The following UNKL variants were observed in gnomAD, a reference collection of about 807,000 sequenced individuals.
The protein encoded by UNKL is unk like zinc finger, also known as putative E3 ubiquitin-protein ligase UNKL.
In UNKL, 60 loss-of-function variants were observed where a neutral mutation model predicts 78.0. The ratio of observed to expected loss-of-function variants is 0.77; its 90% confidence interval spans 0.63 to 0.95. UNKL has a LOEUF of 0.95. Ranked by LOEUF, UNKL falls within the 40% of genes least tolerant of loss-of-function variation. The pLI, the probability that UNKL is intolerant of heterozygous loss-of-function variation, is 0.00. For missense variants in UNKL, 1,159 were observed against 1,045.7 expected (o/e 1.11, Z -1.49); for synonymous variants, 608 against 474.8 (o/e 1.28, Z -3.65).
In UNKL at chr16:1,390,673, C is replaced by A. The variant is rs2037010131; in HGVS notation, c.1045G>T (p.Ala349Ser). 1 of 1,536,056 alleles carries A rather than the reference C, an allele frequency of 6.5e-7. No homozygotes were observed. Among genetic ancestry groups the A allele is most frequent in the Non-Finnish European group, 8.7e-7 (1 of 1,146,896 alleles). ...PGNAKRRDSP[A>S]EGGPRGSEQD... Reference sequence around the variant, plus strand: ...TCGCTGCCCCTAGGGCCACCCTCGGCCGGCGAGTCTCTCCGCTTGGCCTGC... The same window carrying A: ...TCGCTGCCCCTAGGGCCACCCTCGGACGGCGAGTCTCTCCGCTTGGCCTGC... The change falls in exon 9 of 15, where the codon GCC becomes TCC. Residue 349 changes from alanine to serine, a missense_variant. Transcript: ENST00000389221.
chr16:1,414,682 C>T lies in UNKL; in HGVS notation c.10G>A (p.Val4Ile). 8.7e-7 allele frequency: 1 copy of T among 1,148,004 alleles called. No homozygotes were observed. The highest frequency in any genetic ancestry group is 1.1e-6 in the Non-Finnish European group (1 of 921,670). 71.1% of individuals were successfully genotyped at this position (1,148,004 alleles called of 1,614,324 possible). The change falls in exon 1 of 15, where the codon GTT becomes ATT. Residue 4 changes from valine to isoleucine, a missense_variant. Physicochemically the swap from Val to Ile is conservative, Grantham distance 29. Coordinates refer to ENST00000389221, the MANE Select transcript of UNKL (RefSeq NM_001372107.1). MPSVSKAAAAALSG... is the reference protein window; with the variant it reads MPSISKAAAAALSG... ...AGCGCCGCTGCCGCCGCTTTCGAAA[C>T]CGACGGCATTTTCAGTCAAAACAAT...
intron 10 of UNKL, among the ~76,000 whole-genome samples, chr16:1,376,319 G>C (rs2036220728): frequency 7.1e-6 from 1 of 140,068 alleles, no homozygotes; most frequent in Admixed American, 7.2e-5. Context: ...TCCAGGGCTG[G>C]GGCACTCCTC....
chr16:1,380,458 G>A (rs1412754099), intron 10 of UNKL, among the ~76,000 whole-genome samples: 1 of 152,154 alleles, frequency 6.6e-6, no homozygotes, highest in Non-Finnish European at 1.5e-5. Context: ...CAGCGGGCAG[G>A]ACACTGCCTC....
At chr16:1,401,155 C>T (rs889297965) in intron 4 of UNKL, among the ~76,000 whole-genome samples, 8 of 152,074 alleles carry the variant, frequency 5.3e-5, no homozygotes, top group African/African-American at 1.9e-4. Context: ...CCCAGAGAGG[C>T]GCAGGGCTGG....
chr16:1,384,968 G>T (rs1295305129), intron 10 of UNKL, among the ~76,000 whole-genome samples: 1 of 152,172 alleles, frequency 6.6e-6, no homozygotes, highest in Non-Finnish European at 1.5e-5. Flanking sequence ...TGGCTCCTGG[G>T]AGGCTCCTCG....
intron 10 of UNKL, among the ~76,000 whole-genome samples, chr16:1,384,173 A>G (rs2036719020): frequency 6.6e-6 from 1 of 152,086 alleles, no homozygotes; most frequent in Non-Finnish European, 1.5e-5. Flanking sequence ...GCGTCTCTGC[A>G]AGCAAAGCCC....
intron 1 of UNKL, 63 bp downstream of exon 1, chr16:1,414,552 C>G: frequency 1.3e-6 from 1 of 742,280 alleles, no homozygotes; most frequent in Non-Finnish European, 1.7e-6. Context: ...GCGCGAGCCC[C>G]GGCGGGAGGC....
chr16:1,370,846 G>A (rs200391786), intron 11 of UNKL, among the ~76,000 whole-genome samples: 1 of 152,256 alleles, frequency 6.6e-6, no homozygotes, highest in Non-Finnish European at 1.5e-5. Context: ...CACTTTGGGA[G>A]GCCAAGGCGG....
In UNKL at chr16:1,403,673, A is replaced by C. The variant is rs759904005; in HGVS notation, c.288-329T>G. Among the ~76,000 whole-genome samples, 4 of 152,198 alleles carry C rather than the reference A, an allele frequency of 2.6e-5. No homozygotes were observed. Among genetic ancestry groups the C allele is most frequent in the Non-Finnish European group, 5.9e-5 (4 of 68,046 alleles). ...AAGCTCATCCTTCCTAATGTTCCAA[A>C]TAAACCTTTAAACCTGTGTGGGAAT... On this transcript the variant is annotated intron_variant, in intron 2 of 14. Coordinates refer to ENST00000389221, the MANE Select transcript of UNKL (RefSeq NM_001372107.1). This position sits in a 1 kb window ranked among gnomAD's most constrained non-coding sequence, Gnocchi z 4.8.
intron 12 of UNKL, 57 bp downstream of exon 12, chr16:1,370,073 G>C: frequency 6.5e-7 from 1 of 1,548,438 alleles, no homozygotes; most frequent in Non-Finnish European, 8.7e-7. Flanking sequence ...CGGCATCTGG[G>C]AGGGAGCCCC....
In UNKL at chr16:1,385,266, C is replaced by T. The variant is rs1453503282; in HGVS notation, c.1206G>A (p.Ala402=). The T allele has an allele frequency of 1.1e-5, 15 of 1,333,536 alleles. No individual in the cohort carries two copies. Among genetic ancestry groups the T allele is most frequent in the East Asian group, 9.3e-5 (3 of 32,256 alleles). The allele number at this position is 1,333,536 out of a possible 1,614,324, so 82.6% of individuals were successfully genotyped here. A position where few individuals can be genotyped will look rare whatever the true frequency, so the allele number is the denominator to read the frequency against. ...CGAGCGGGAGGGCACGGGCGGGGGG[C>T]GCGGGCAGCGCAGTGGGGGAGGAGC... The part of the protein sequence containing the change: ...SGSSSPTALP[A]PPARALPLGP... Residue 402 remains alanine, a synonymous_variant, in exon 10 of 15, where the codon GCG becomes GCA. Coordinates refer to ENST00000389221, the MANE Select transcript of UNKL (RefSeq NM_001372107.1).
intron 10 of UNKL, among the ~76,000 whole-genome samples, chr16:1,374,096 A>G (rs12931081): frequency 1.2e-4 from 5 of 43,194 alleles, no homozygotes; most frequent in Admixed American, 6.3e-4. Context: ...GGAGCACACC[A>G]CACAGGGACT....
rs577543328 is a variant in UNKL, at chr16:1,364,542, C to T, written c.*1698G>A. ...TCCTGCTCAACTCCTAGGGACAGTC[C>T]CAGCCCTGAGCAGAAGGGTCAGGTC... is the stretch of plus-strand genomic sequence containing the variant. On this transcript the variant is annotated 3_prime_UTR_variant, in exon 15 of 15. Transcript: ENST00000389221. 2.1e-4 allele frequency: 32 copies of T among 152,380 alleles called. 1 individual carries two copies. The highest frequency in any genetic ancestry group is 7.7e-4 in the African/African-American group (32 of 41,584). The allele number at this position is 152,380 out of a possible 1,614,324, so 9.4% of individuals were successfully genotyped here.
chr16:1,376,843 C>T lies in UNKL; in HGVS notation c.1265-5232G>A, dbSNP rs191096069. Among the ~76,000 whole-genome samples, 159 of 152,254 alleles carry T rather than the reference C, an allele frequency of 1.0e-3. 1 individual carries two copies. Among genetic ancestry groups the T allele is most frequent in the Non-Finnish European group, 1.7e-3 (118 of 68,004 alleles). On this transcript the variant is annotated intron_variant, in intron 10 of 14. Coordinates refer to ENST00000389221, the MANE Select transcript of UNKL (RefSeq NM_001372107.1). ...TTAACTGGTAACATAGATTTCAGCA[C>T]CGCACAGTAATAAAAGTTACCTGCG...
rs186919161 is a variant in UNKL, at chr16:1,365,924, T to C, written c.*316A>G. 4.2e-5 allele frequency: 10 copies of C among 239,672 alleles called. No homozygotes were observed. Among genetic ancestry groups the C allele is most frequent in the Admixed American group, 1.1e-4 (2 of 18,778 alleles). 14.8% of individuals were successfully genotyped at this position (239,672 alleles called of 1,614,324 possible). A position where few individuals can be genotyped will look rare whatever the true frequency, so the allele number is the denominator to read the frequency against. ...GTGTCAGGACCACAAACTGCTGTGATCACAGCGCCGCGTGGATCCCGGAGG... is the reference window on the plus strand; with the variant it reads ...GTGTCAGGACCACAAACTGCTGTGACCACAGCGCCGCGTGGATCCCGGAGG... On this transcript the variant is annotated 3_prime_UTR_variant, in exon 15 of 15. Coordinates refer to ENST00000389221, the MANE Select transcript of UNKL (RefSeq NM_001372107.1).
chr16:1,382,713 TTTGGGAGGCCGAG>T (rs1268259682), intron 10 of UNKL, among the ~76,000 whole-genome samples: 1 of 152,058 alleles, frequency 6.6e-6, no homozygotes, highest in Non-Finnish European at 1.5e-5. Flanking sequence ...ATCCCAGCAC[TTTGGGAGGCCGAG>T]TTGGGAGGAT....
rs186510432 is a variant in UNKL, at chr16:1,390,108, T to C, written c.1086+524A>G. Among the ~76,000 whole-genome samples, 804 of 152,296 alleles carry C rather than the reference T, an allele frequency of 5.3e-3. 5 individuals carry two copies. Among genetic ancestry groups the C allele is most frequent in the Middle Eastern group, 0.017 (5 of 294 alleles). On this transcript the variant is annotated intron_variant, in intron 9 of 14. Coordinates refer to ENST00000389221, the MANE Select transcript of UNKL (RefSeq NM_001372107.1). ...TTCAAGCAATTCTCCTGCCTCAGCT[T>C]CCCGAGTAGCTGGGACTACAGGCAC...
At position 1,366,328 on chromosome 16, in the gene UNKL, C is replaced by T. The variant is rs570694066; in HGVS notation, c.2114G>A (p.Arg705Gln). 22 of 1,603,846 alleles carry T rather than the reference C, an allele frequency of 1.4e-5. No homozygotes were observed. In the South Asian group the frequency reaches 1.6e-4, roughly 11 times the overall value. ...CRERAHGAVL[R>Q]PCQHHILCEP... Reference sequence around the variant, plus strand: ...ACAGAGGATGTGGTGCTGACAGGGCCGCAGGACAGCACCGTGGGCCCGCTC... The same window carrying T: ...ACAGAGGATGTGGTGCTGACAGGGCTGCAGGACAGCACCGTGGGCCCGCTC... Residue 705 changes from arginine to glutamine, a missense_variant, in exon 15 of 15, where the codon CGG becomes CAG. Coordinates refer to ENST00000389221, the MANE Select transcript of UNKL (RefSeq NM_001372107.1).
chr16:1,385,353 CG>C lies in UNKL; in HGVS notation c.1118del (p.Pro373ArgfsTer6). 1 of 1,414,482 alleles carries C rather than the reference CG, an allele frequency of 7.1e-7. No individual in the cohort carries two copies. The highest frequency in any genetic ancestry group is 9.2e-7 in the Non-Finnish European group (1 of 1,087,660). The allele number at this position is 1,414,482 out of a possible 1,614,324, so 87.6% of individuals were successfully genotyped here. Reference sequence around the variant, plus strand: ...CGCTGGAGCTCACGCTGGGGGCCGGCGGGTGGACCGCTGCAAACACGGCCAG... The same window carrying C: ...CGCTGGAGCTCACGCTGGGGGCCGGCGGTGGACCGCTGCAAACACGGCCAG... ...NHLAVFAAVHPPAPSVSSSVA... is the reference protein window; with the variant it reads ...NHLAVFAAVHXPAPSVSSSVA... On this transcript the variant is annotated frameshift_variant, in exon 10 of 15. Coordinates refer to ENST00000389221, the MANE Select transcript of UNKL (RefSeq NM_001372107.1). LOFTEE classifies it high-confidence loss of function.
Sources: allele counts gnomAD v4.1 joint callset (sites outside exome capture counted in the v4.1 genomes callset), GRCh38; gene constraint gnomAD v4.1.1; non-coding constraint Gnocchi (gnomAD v3.1); transcripts MANE v1.5; gene names NCBI Gene and HGNC (gene_info 2026-07-23, HGNC 2026-07-21).